Variants in SLC6A11 observed in about 807,000 individuals in gnomAD.
SLC6A11 encodes the protein solute carrier family 6 member 11.
Under a neutral mutation model 74.8 loss-of-function variants are expected in SLC6A11, and 25 were observed. The ratio of observed to expected loss-of-function variants is 0.33; its 90% CI spans 0.24 to 0.47. The LOEUF is 0.47. Ranked by LOEUF, SLC6A11 falls within the 20% of genes least tolerant of loss-of-function variation. The pLI is 1.00. For missense variants in SLC6A11, 574 were observed against 837.0 expected (o/e 0.69, Z 3.88); for synonymous variants, 330 against 330.2 (o/e 1.00, Z 0.01).
At chr3:10,913,556 A>G (rs910036184) in intron 7 of SLC6A11, among the ~76,000 whole-genome samples, 1 of 152,268 alleles carries the variant, frequency 6.6e-6, no homozygotes, top group Non-Finnish European at 1.5e-5. Context: ...ATTTACAAAT[A>G]TGAGAATTTT....
At chr3:10,879,070 C>G (rs188687204) in intron 6 of SLC6A11, among the ~76,000 whole-genome samples, 13 of 152,248 alleles carry the variant, frequency 8.5e-5, no homozygotes, top group Admixed American at 7.8e-4. Context: ...ATGCCTGGTA[C>G]ACAGTAGGTG....
intron 10 of SLC6A11, among the ~76,000 whole-genome samples, chr3:10,932,082 C>CT (rs1051668130): frequency 3.1e-4 from 47 of 152,172 alleles, no homozygotes; most frequent in African/African-American, 1.1e-3. Context: ...ATTGCATCCT[C>CT]TAAGGACCCT....
At chr3:10,885,507 T>A (rs1263924600) in intron 6 of SLC6A11, among the ~76,000 whole-genome samples, 1 of 151,392 alleles carries the variant, frequency 6.6e-6, no homozygotes, top group Non-Finnish European at 1.5e-5. Context: ...CATTTTTTGA[T>A]GGTTACAATT....
In SLC6A11 at chr3:10,915,732, C is replaced by T. The variant is rs1417326250; in HGVS notation, c.996-2597C>T. On this transcript the variant is annotated intron_variant, in intron 7 of 13. Transcript: ENST00000254488. The surrounding 1 kb of genome is among the most constrained non-coding windows in gnomAD (Gnocchi z 4.3). ...TCATGCATGGGGCTGGAAGGGACCT[C>T]AGGTCCCTAAAGAGCTTCTCTGTCT... Among the ~76,000 whole-genome samples, 1 of 152,100 alleles carries T rather than the reference C, an allele frequency of 6.6e-6. No individual in the cohort carries two copies. Among genetic ancestry groups the T allele is most frequent in the East Asian group, 1.9e-4 (1 of 5,176 alleles).
chr3:10,883,497 T>C (rs1695006942), intron 6 of SLC6A11, among the ~76,000 whole-genome samples: 1 of 152,098 alleles, frequency 6.6e-6, no homozygotes, highest in Admixed American at 6.5e-5. Context: ...CAGATCCACC[T>C]CCTCTGTGCA....
chr3:10,829,985 G>C (rs1694273372), intron 4 of SLC6A11, among the ~76,000 whole-genome samples: 1 of 152,070 alleles, frequency 6.6e-6, no homozygotes, highest in African/African-American at 2.4e-5. Flanking sequence ...CTTATAAGTA[G>C]CCAGAAAGAT....
chr3:10,843,255 C>G (rs1336232476), intron 4 of SLC6A11, among the ~76,000 whole-genome samples: 1 of 152,142 alleles, frequency 6.6e-6, no homozygotes, highest in Non-Finnish European at 1.5e-5. Context: ...ATTAGCTTAG[C>G]TCACCCGGAG....
intron 7 of SLC6A11, among the ~76,000 whole-genome samples, chr3:10,913,234 C>A (rs1270234275): frequency 1.3e-5 from 2 of 151,870 alleles, no homozygotes; most frequent in Admixed American, 6.6e-5. Context: ...ATACTGATTT[C>A]AGAATGGGAA....
At chr3:10,930,680 C>G (rs542334307) in intron 10 of SLC6A11, among the ~76,000 whole-genome samples, 1 of 152,080 alleles carries the variant, frequency 6.6e-6, no homozygotes, top group Non-Finnish European at 1.5e-5. Context: ...GACAGAATTC[C>G]AAGAGGAGCA....
chr3:10,832,410 C>A (rs1162323426), intron 4 of SLC6A11, among the ~76,000 whole-genome samples: 1 of 152,154 alleles, frequency 6.6e-6, no homozygotes, highest in African/African-American at 2.4e-5. Context: ...GCAGCACTCT[C>A]ATGAGATTTG....
chr3:10,880,611 A>G (rs1694963634), intron 6 of SLC6A11, among the ~76,000 whole-genome samples: 1 of 151,902 alleles, frequency 6.6e-6, no homozygotes, highest in South Asian at 2.1e-4. Flanking sequence ...GCTCCAGGAT[A>G]CTTTCAGGTC....
chr3:10,823,263 A>G (rs1559551761), intron 3 of SLC6A11, 39 bp from the exon 4 acceptor site: 2 of 1,457,832 alleles, frequency 1.4e-6, no homozygotes, highest in Non-Finnish European at 9.6e-7. Context: ...TTTCATGGAG[A>G]TTAATTTTCT....
intron 5 of SLC6A11, among the ~76,000 whole-genome samples, chr3:10,844,813 G>T (rs2106586032): frequency 6.6e-6 from 1 of 152,268 alleles, no homozygotes; most frequent in African/African-American, 2.4e-5. Context: ...GCTTCATCTT[G>T]CAGCCTTGCT....
chr3:10,828,487 T>A (rs1290126843), intron 4 of SLC6A11, among the ~76,000 whole-genome samples: 1 of 152,218 alleles, frequency 6.6e-6, no homozygotes, highest in Non-Finnish European at 1.5e-5. Context: ...GAGTGAAGGT[T>A]GGTTCTTTCT....
intron 5 of SLC6A11, 33 bp downstream of exon 5, chr3:10,844,379 G>T (rs1261173361): frequency 1.9e-6 from 3 of 1,613,618 alleles, no homozygotes; most frequent in Non-Finnish European, 1.7e-6. Flanking sequence ...GCTAACCGTG[G>T]CAGGGGAAGG....
chr3:10,842,578 A>T (rs542800069), intron 4 of SLC6A11, among the ~76,000 whole-genome samples: 1 of 152,376 alleles, frequency 6.6e-6, no homozygotes, highest in South Asian at 2.1e-4. Context: ...AGTTGTTACT[A>T]TAATTAAATG....
At chr3:10,881,348 G>A (rs1694979091) in intron 6 of SLC6A11, among the ~76,000 whole-genome samples, 1 of 152,170 alleles carries the variant, frequency 6.6e-6, no homozygotes, top group South Asian at 2.1e-4. Context: ...CCTGGGAGGT[G>A]GAGGTTGCAG....
chr3:10,920,921 A>G (rs968298872), intron 8 of SLC6A11, among the ~76,000 whole-genome samples: 1 of 152,182 alleles, frequency 6.6e-6, no homozygotes. Flanking sequence ...TGCCAATTGG[A>G]GAAAATGCAA....
At chr3:10,847,049 C>G (rs1374243106) in intron 5 of SLC6A11, among the ~76,000 whole-genome samples, 1 of 152,152 alleles carries the variant, frequency 6.6e-6, no homozygotes, top group Non-Finnish European at 1.5e-5. Flanking sequence ...ATGAGTGGTT[C>G]CTTTGTGCTT....
Sources: gnomAD v4.1 joint callset for allele counts (sites outside exome capture counted in the v4.1 genomes callset) on GRCh38, gnomAD v4.1.1 for gene constraint, Gnocchi (gnomAD v3.1) non-coding constraint, MANE v1.5 for transcripts, NCBI Gene and HGNC (gene_info 2026-07-23, HGNC 2026-07-21) for gene names.